The following AP1S3 variants were observed in gnomAD, a reference collection of about 807,000 sequenced individuals.
AP1S3 encodes AP-1 complex subunit sigma-3.
In AP1S3, 10 loss-of-function variants were observed where a neutral mutation model predicts 20.9. The ratio of observed to expected loss-of-function variants is 0.48; its 90% confidence interval spans 0.29 to 0.81. The LOEUF is 0.81. AP1S3 is among the 30% of genes least tolerant of loss of function. The pLI is 0.08. For synonymous variants in AP1S3, 41 were observed against 61.5 expected (o/e 0.67, Z 1.56); for missense variants, 154 against 183.8 (o/e 0.84, Z 0.94).
At chr2:223,811,237 C>T (rs937139343) in intron 1 of AP1S3, among the ~76,000 whole-genome samples, 5 of 151,778 alleles carry the variant, frequency 3.3e-5, no homozygotes, top group African/African-American at 7.3e-5. Flanking sequence ...AGATTACAGG[C>T]GCCCACCACT....
intron 1 of AP1S3, among the ~76,000 whole-genome samples, chr2:223,830,998 T>C (rs1692244310): frequency 6.6e-6 from 1 of 152,214 alleles, no homozygotes; most frequent in African/African-American, 2.4e-5. Context: ...ATTTACCTTA[T>C]TGCTAGCAGC....
intron 1 of AP1S3, among the ~76,000 whole-genome samples, chr2:223,829,920 G>C (rs1692220633): frequency 6.6e-6 from 1 of 152,104 alleles, no homozygotes; most frequent in South Asian, 2.1e-4. Flanking sequence ...CAACAGAAGA[G>C]TTGAGGAATA....
chr2:223,780,298 TATATATATATAG>T (rs1165481645), intron 1 of AP1S3, among the ~76,000 whole-genome samples: 50 of 53,446 alleles, frequency 9.4e-4, no homozygotes, highest in Non-Finnish European at 9.9e-4. Context: ...TATATATATA[TATATATATATAG>T]AGAGAGAGAG....
At chr2:223,795,445 C>G (rs922255110) in intron 1 of AP1S3, among the ~76,000 whole-genome samples, 7 of 152,120 alleles carry the variant, frequency 4.6e-5, no homozygotes, top group Non-Finnish European at 7.4e-5. Context: ...ATTTAGCGAC[C>G]CTTTGAAACA....
intron 1 of AP1S3, among the ~76,000 whole-genome samples, chr2:223,833,657 A>G (rs1692328735): frequency 1.3e-5 from 2 of 152,358 alleles, no homozygotes; most frequent in African/African-American, 4.8e-5. Context: ...CAGGAAAGAC[A>G]GGGAGTTACA....
intron 1 of AP1S3, among the ~76,000 whole-genome samples, chr2:223,811,292 G>T (rs979401407): frequency 1.3e-5 from 2 of 151,948 alleles, no homozygotes; most frequent in Non-Finnish European, 2.9e-5. Flanking sequence ...ATCTGGCCAG[G>T]CACGGTGGCT....
intron 1 of AP1S3, among the ~76,000 whole-genome samples, chr2:223,821,979 G>A (rs149865630): frequency 3.3e-5 from 5 of 152,242 alleles, no homozygotes; most frequent in Admixed American, 6.5e-5. Flanking sequence ...TCGGGAGGTC[G>A]CAGTTATCGG....
intron 2 of AP1S3, among the ~76,000 whole-genome samples, chr2:223,777,106 C>T (rs769717411): frequency 6.6e-6 from 1 of 152,196 alleles, no homozygotes; most frequent in Admixed American, 6.5e-5. Flanking sequence ...TAGAACAATG[C>T]CAGGAATGGC....
At chr2:223,828,058 TAAAAAAAAAAAAAAAAAAAAA>T (rs527671959) in intron 1 of AP1S3, among the ~76,000 whole-genome samples, 9 of 94,670 alleles carry the variant, frequency 9.5e-5, no homozygotes, top group Non-Finnish European at 1.4e-4. Flanking sequence ...AGACTTCATC[TAAAAAAAAAAAAAAAAAAAAA>T]AAAAAAAAAA....
chr2:223,758,311 G>C lies in AP1S3; in HGVS notation c.*404C>G, dbSNP rs977002219. ...TTAGAAAACTAAACATTTAGAAAAA[G>C]TATTAATGACATCATATATACTTTA... On this transcript the variant is annotated 3_prime_UTR_variant, in exon 5 of 5. Coordinates refer to ENST00000396654, the MANE Select transcript of AP1S3 (RefSeq NM_001039569.2). The C allele has an allele frequency of 1.0e-6, 1 of 978,758 alleles. No individual in the cohort carries two copies. Among genetic ancestry groups the C allele is most frequent in the Admixed American group, 6.1e-5 (1 of 16,348 alleles). 60.6% of individuals were successfully genotyped at this position (978,758 alleles called of 1,614,324 possible).
chr2:223,778,837 C>CA (rs1234084102), intron 1 of AP1S3, among the ~76,000 whole-genome samples: 1 of 151,932 alleles, frequency 6.6e-6, no homozygotes, highest in Non-Finnish European at 1.5e-5. Flanking sequence ...GCTGAGATTA[C>CA]ACATGCACGC....
chr2:223,800,741 T>C (rs1457591600), intron 1 of AP1S3, among the ~76,000 whole-genome samples: 1 of 152,220 alleles, frequency 6.6e-6, no homozygotes, highest in African/African-American at 2.4e-5. Flanking sequence ...TACTTAATGA[T>C]GATATACTAG....
At chr2:223,827,331 GT>G (rs907834235) in intron 1 of AP1S3, among the ~76,000 whole-genome samples, 2 of 152,084 alleles carry the variant, frequency 1.3e-5, no homozygotes, top group African/African-American at 4.8e-5. Context: ...AAAAAAAAAT[GT>G]GATATTACTG....
intron 1 of AP1S3, among the ~76,000 whole-genome samples, chr2:223,793,319 A>T (rs945651016): frequency 6.6e-6 from 1 of 152,208 alleles, no homozygotes; most frequent in African/African-American, 2.4e-5. Flanking sequence ...CATGGAATCA[A>T]CCTAAATGCC....
In AP1S3 at chr2:223,837,473, C is replaced by A; in HGVS notation, c.-23G>T. Reference sequence around the variant, plus strand: ...CATCGTGGCTGGGCCGCCGCCTCCCCCGCCTTGCGAGCAAGGAGCGCTGGA... The same window carrying A: ...CATCGTGGCTGGGCCGCCGCCTCCCACGCCTTGCGAGCAAGGAGCGCTGGA... On this transcript the variant is annotated 5_prime_UTR_variant, in exon 1 of 5. Transcript: ENST00000396654. The A allele has an allele frequency of 5.4e-6, 7 of 1,286,120 alleles. No homozygotes were observed. Among genetic ancestry groups the A allele is most frequent in the South Asian group, 2.6e-5 (1 of 37,818 alleles). The allele number at this position is 1,286,120 out of a possible 1,614,324, so 79.7% of individuals were successfully genotyped here. A position where few individuals can be genotyped will look rare whatever the true frequency, so the allele number is the denominator to read the frequency against.
chr2:223,835,077 G>GAAATA, intron 1 of AP1S3, among the ~76,000 whole-genome samples: 2 of 151,644 alleles, frequency 1.3e-5, no homozygotes, highest in African/African-American at 4.8e-5. Context: ...TTTTGACCTT[G>GAAATA]CAGACCTCCA....
intron 1 of AP1S3, among the ~76,000 whole-genome samples, chr2:223,820,792 T>C (rs1039593167): frequency 2.0e-5 from 3 of 152,136 alleles, no homozygotes; most frequent in Non-Finnish European, 2.9e-5. Flanking sequence ...GGGAACTAGA[T>C]TGCTGACGTT....
At chr2:223,832,807 CTTTTTTT>C (rs66947467) in intron 1 of AP1S3, among the ~76,000 whole-genome samples, 20 of 129,948 alleles carry the variant, frequency 1.5e-4, no homozygotes, top group East Asian at 4.4e-4. Context: ...TTTCTTTTTT[CTTTTTTT>C]TTTTTTTTTT....
chr2:223,782,213 A>C (rs1046869308), intron 1 of AP1S3, among the ~76,000 whole-genome samples: 3 of 152,062 alleles, frequency 2.0e-5, no homozygotes, highest in South Asian at 4.1e-4. Context: ...GGGTTTCACC[A>C]TGTTGGCCAG....
Sources: gnomAD v4.1 joint callset for allele counts (sites outside exome capture counted in the v4.1 genomes callset) on GRCh38, gnomAD v4.1.1 for gene constraint, MANE v1.5 for transcripts, NCBI Gene and HGNC (gene_info 2026-07-23, HGNC 2026-07-21) for gene names.